Variants in TREH observed in about 807,000 individuals in gnomAD.
TREH encodes trehalase.
Under a neutral mutation model 80.5 loss-of-function variants are expected in TREH, and 69 were observed. The ratio of observed to expected loss-of-function variants is 0.86; its 90% CI spans 0.71 to 1.05. TREH has a LOEUF of 1.05. Among genes scored for constraint, TREH ranks in the 50% least tolerant of loss-of-function variants. The pLI, the probability that TREH is intolerant of heterozygous loss-of-function variation, is 0.00. For synonymous variants in TREH, 309 were observed against 293.5 expected (o/e 1.05, Z -0.54); for missense variants, 716 against 718.8 (o/e 1.00, Z 0.04).
In TREH at chr11:118,659,399, C is replaced by G. The variant is rs1949279489; in HGVS notation, c.1403G>C (p.Trp468Ser). 1.3e-6 allele frequency: 2 copies of G among 1,599,982 alleles called. No individual in the cohort carries two copies. The highest frequency in any genetic ancestry group is 2.7e-5 in the African/African-American group (2 of 74,754). The change falls in exon 12 of 15, where the codon TGG (tryptophan) becomes TCG (serine). Residue 468 changes from tryptophan (W) to serine (S), a missense_variant. By Grantham distance (177) the Trp-to-Ser change is radical (BLOSUM62 -3). Coordinates refer to ENST00000264029, the MANE Select transcript of TREH (RefSeq NM_007180.3). ...TGQQWDFPNAWAPLQDLVIRG... is the reference protein window; with the variant it reads ...TGQQWDFPNASAPLQDLVIRG... The stretch of plus-strand genomic sequence containing the variant: ...GATGACCAGGTCCTGCAGGGGGGCC[C>G]AGGCATTGGGGAAATCCCACTGCTG...
Position 118,662,861 on chromosome 11 carries a change from C to G in TREH, c.423+20G>C, listed in dbSNP as rs1565526471. 6.4e-7 allele frequency: 1 copy of G among 1,560,748 alleles called. No individual in the cohort carries two copies. The highest frequency in any genetic ancestry group is 8.7e-7 in the Non-Finnish European group (1 of 1,152,004). ...TCAGTTCCCTTGGTCAGGCCTTGGG[C>G]AGGCCCAGGACGCTGATACCTTCTT... is the stretch of plus-strand genomic sequence containing the variant. On this transcript the variant is annotated intron_variant, in intron 4 of 14. Transcript: ENST00000264029.
chr11:118,677,409 A>G (rs1251735296), intron 1 of TREH, among the ~76,000 whole-genome samples: 3 of 152,238 alleles, frequency 2.0e-5, no homozygotes, highest in Non-Finnish European at 4.4e-5. Flanking sequence ...GATGGCTTTA[A>G]CATGTATCTT....
At chr11:118,663,247 C>G in intron 2 of TREH, 51 bp from the exon 3 acceptor site, 1 of 1,570,970 alleles carries the variant, frequency 6.4e-7, no homozygotes, top group Non-Finnish European at 8.6e-7. Flanking sequence ...AAGCCACTCC[C>G]TAATCACAGG....
chr11:118,679,550 T>G lies in TREH; in HGVS notation c.78A>C (p.Pro26=). Reference sequence around the variant, plus strand: ...CCCCACACCCCTACCTCTCACAGGGTGGGGGTAGGGCCTCCTGGGACCCCA... The same window carrying G: ...CCCCACACCCCTACCTCTCACAGGGGGGGGGTAGGGCCTCCTGGGACCCCA... ...LGLGSQEALP[P]PCESEIYCHG... is the part of the protein sequence containing the mutation. The change falls in exon 1 of 15, where the codon CCA becomes CCC. Residue 26 remains proline (P), a synonymous_variant. Transcript: ENST00000264029. The G allele has an allele frequency of 1.3e-6, 2 of 1,530,746 alleles. No individual in the cohort carries two copies. Among genetic ancestry groups the G allele is most frequent in the Non-Finnish European group, 1.8e-6 (2 of 1,135,098 alleles). 94.8% of individuals were successfully genotyped at this position (1,530,746 alleles called of 1,614,324 possible).
chr11:118,667,061 T>C (rs1344214247), intron 1 of TREH, among the ~76,000 whole-genome samples: 2 of 152,018 alleles, frequency 1.3e-5, no homozygotes, highest in African/African-American at 4.8e-5. Context: ...TTTGTATTTT[T>C]AATAGAGATG....
chr11:118,658,294 A>G lies in TREH; in HGVS notation c.1747T>C (p.Trp583Arg), dbSNP rs2137250958. 3.2e-6 allele frequency: 5 copies of G among 1,585,968 alleles called. No homozygotes were observed. In the South Asian group the frequency reaches 3.4e-5, roughly 11 times the overall value. ...AGGTGAGGAGAGGAGGGCTGTCACC[A>G]TGGCAGGAGGCTGAGCAGGAGGCTG... ...LPSLLLSLLP[W>R] The change falls in exon 15 of 15, where the codon TGG (tryptophan) becomes CGG (arginine). Residue 583 changes from tryptophan to arginine, a missense_variant. Physicochemically the swap from Trp to Arg is moderately radical, Grantham distance 101 (BLOSUM62 -3). Transcript: ENST00000264029.
chr11:118,665,884 A>G (rs1209110150), intron 1 of TREH, among the ~76,000 whole-genome samples: 1 of 152,210 alleles, frequency 6.6e-6, no homozygotes, highest in Non-Finnish European at 1.5e-5. Flanking sequence ...ACTGCTGGCA[A>G]TGTGGATCAG....
chr11:118,672,713 C>CA (rs58199596), intron 1 of TREH, among the ~76,000 whole-genome samples: 8,396 of 41,828 alleles, frequency 0.2, 838 homozygotes, highest in Non-Finnish European at 0.27. Context: ...GACTCCATCT[C>CA]AAAAAAAAAA....
chr11:118,676,728 A>G lies in TREH; in HGVS notation c.89+2811T>C, dbSNP rs1949483079. On this transcript the variant is annotated intron_variant, in intron 1 of 14. Coordinates refer to ENST00000264029, the MANE Select transcript of TREH (RefSeq NM_007180.3). ...GTTGCATTGAGCCAAAATGCTCACC[A>G]CTGCACTGCCAGCCTGGGCAACAGA... Among the ~76,000 whole-genome samples, 3 of 9,520 alleles carry G rather than the reference A, an allele frequency of 3.2e-4. No homozygotes were observed. In the South Asian group the frequency reaches 8.9e-3, roughly 28 times the overall value. The allele number at this position is 9,520 out of a possible 152,430, so 6.2% of individuals were successfully genotyped here.
Position 118,661,998 on chromosome 11 carries a change from C to G in TREH, c.424-8G>C, listed in dbSNP as rs782615969. ...GAGAACCTCTGGCTTCATCTGGAGT[C>G]GGGAGAGAGGGCAAGGGGAGCCTAG... On this transcript the variant is annotated splice_polypyrimidine_tract_variant and splice_region_variant and intron_variant, in intron 4 of 14. Transcript: ENST00000264029. The surrounding 1 kb of genome is among the most constrained non-coding windows in gnomAD (Gnocchi z 4.2). 6.5e-7 allele frequency: 1 copy of G among 1,550,160 alleles called. No homozygotes were observed. Among genetic ancestry groups the G allele is most frequent in the Non-Finnish European group, 8.7e-7 (1 of 1,145,604 alleles).
rs1555145370 is a variant in TREH at position 118,663,371 on chromosome 11, T to C, written c.158A>G (p.Gln53Arg). The change falls in exon 2 of 15, where the codon CAG (glutamine) becomes CGG (arginine). Residue 53 changes from glutamine (Q) to arginine (R), a missense_variant. Transcript: ENST00000264029. ...TATAGACAGTGGCATGTCCACAAACTGCTTGTCATCCTGGTAGAGCTTGGC... is the reference window on the plus strand; with the variant it reads ...TATAGACAGTGGCATGTCCACAAACCGCTTGTCATCCTGGTAGAGCTTGGC... ...QMAKLYQDDK[Q>R]FVDMPLSIAP... is the part of the protein sequence containing the mutation. The C allele has an allele frequency of 1.3e-6, 2 of 1,597,390 alleles. No homozygotes were observed. Among genetic ancestry groups the C allele is most frequent in the Admixed American group, 1.7e-5 (1 of 57,826 alleles).
chr11:118,662,734 G>A (rs1373766160), intron 4 of TREH, 147 bp downstream of exon 4: 1 of 806,944 alleles, frequency 1.2e-6, no homozygotes, highest in South Asian at 1.8e-5. Flanking sequence ...TCTTTCTAGA[G>A]GGCCTCTATT....
intron 12 of TREH, 71 bp downstream of exon 12, chr11:118,659,299 C>T (rs1226964887): frequency 2.3e-6 from 3 of 1,314,332 alleles, no homozygotes; most frequent in Admixed American, 5.6e-5. Flanking sequence ...GTTCATGCCT[C>T]CCCAGCACCA....
chr11:118,679,090 G>A (rs1329173074), intron 1 of TREH, among the ~76,000 whole-genome samples: 24 of 152,194 alleles, frequency 1.6e-4, no homozygotes, highest in African/African-American at 4.6e-4. Context: ...AGGACTGCAG[G>A]TCCCGACAGG....
At chr11:118,664,150 G>A (rs969028172) in intron 1 of TREH, among the ~76,000 whole-genome samples, 3 of 152,210 alleles carry the variant, frequency 2.0e-5, no homozygotes, top group Non-Finnish European at 4.4e-5. Flanking sequence ...AACTTTGGAA[G>A]CACCGAGGAG....
At chr11:118,664,433 T>C (rs1949358232) in intron 1 of TREH, among the ~76,000 whole-genome samples, 1 of 152,214 alleles carries the variant, frequency 6.6e-6, no homozygotes, top group South Asian at 2.1e-4. Flanking sequence ...GCCTGGCAGA[T>C]GGGCAGTGAA....
Position 118,659,849 on chromosome 11 carries a change from C to T in TREH, c.1218G>A (p.Lys406=), listed in dbSNP as rs782509446. ...TGAWFDYDLE[K]KKKNREFYPS... is the part of the protein sequence containing the mutation. ...GGTAAAACTCCCGGTTTTTCTTCTTCTTCTCAAGGTCGTAATCGAACCAGG... is the reference window on the plus strand; with the variant it reads ...GGTAAAACTCCCGGTTTTTCTTCTTTTTCTCAAGGTCGTAATCGAACCAGG... Residue 406 remains lysine (K), a synonymous_variant, in exon 11 of 15, where the codon AAG becomes AAA. Coordinates refer to ENST00000264029, the MANE Select transcript of TREH (RefSeq NM_007180.3). 3.7e-5 allele frequency: 57 copies of T among 1,557,972 alleles called. No homozygotes were observed. Among genetic ancestry groups the T allele is most frequent in the Non-Finnish European group, 4.8e-5 (55 of 1,150,272 alleles).
intron 1 of TREH, among the ~76,000 whole-genome samples, chr11:118,675,604 C>T (rs1351060495): frequency 6.6e-6 from 1 of 152,082 alleles, no homozygotes; most frequent in Non-Finnish European, 1.5e-5. Context: ...CTAGGGGGGC[C>T]CTGAATGTAG....
In TREH at chr11:118,675,316, C is replaced by T. The variant is rs190037024; in HGVS notation, c.89+4223G>A. 3.7e-3 allele frequency among the ~76,000 whole-genome samples: 564 copies of T among 152,280 alleles called. 3 individuals carry two copies. Among genetic ancestry groups the T allele is most frequent in the Non-Finnish European group, 6.2e-3 (421 of 68,034 alleles). ...GCAATTTAATCCTGGCACTAACCAT[C>T]GGGAGTTAGTGCAGAATCCACACTC... On this transcript the variant is annotated intron_variant, in intron 1 of 14. Transcript: ENST00000264029.
Sources: gnomAD v4.1 joint callset for allele counts (sites outside exome capture counted in the v4.1 genomes callset) on GRCh38, gnomAD v4.1.1 for gene constraint, Gnocchi (gnomAD v3.1) non-coding constraint, MANE v1.5 for transcripts, NCBI Gene and HGNC (gene_info 2026-07-23, HGNC 2026-07-21) for gene names.